The following NSF variants were observed in gnomAD, a reference collection of about 807,000 sequenced individuals.
The protein encoded by NSF is N-ethylmaleimide sensitive factor, vesicle fusing ATPase, also known as vesicle-fusing ATPase.
Under a neutral mutation model 50.3 loss-of-function variants are expected in NSF, and 14 were observed. The ratio of observed to expected loss-of-function variants is 0.28; its 90% confidence interval spans 0.18 to 0.44. The LOEUF (loss-of-function observed/expected upper bound fraction) is 0.44, where lower values mean the gene tolerates loss of function less well. Among genes scored for constraint, NSF ranks in the 20% least tolerant of loss-of-function variants. NSF has a pLI of 1.00. For missense variants in NSF, 218 were observed against 504.3 expected (o/e 0.43, Z 5.44); for synonymous variants, 109 against 175.7 (o/e 0.62, Z 3.00).
intron 9 of NSF, among the ~76,000 whole-genome samples, chr17:46,691,561 C>T (rs1385364340): frequency 6.6e-6 from 1 of 150,504 alleles, no homozygotes; most frequent in East Asian, 2.0e-4. Context: ...CGTCATTGCA[C>T]TCCAGCCTGG....
intron 17 of NSF, among the ~76,000 whole-genome samples, chr17:46,730,639 C>T (rs2058939843): frequency 6.6e-6 from 1 of 152,128 alleles, no homozygotes; most frequent in African/African-American, 2.4e-5. Flanking sequence ...CTTATACGTA[C>T]ATGCTTCACA....
At chr17:46,724,956 A>G (rs2058871967) in intron 15 of NSF, among the ~76,000 whole-genome samples, 1 of 152,058 alleles carries the variant, frequency 6.6e-6, no homozygotes, top group Non-Finnish European at 1.5e-5. Flanking sequence ...TAATATTTCT[A>G]CTTGAATTTA....
chr17:46,636,926 C>T (rs2058194045), intron 4 of NSF, among the ~76,000 whole-genome samples: 1 of 152,108 alleles, frequency 6.6e-6, no homozygotes, highest in Admixed American at 6.5e-5. Flanking sequence ...GTGATCTTGG[C>T]TCACTGCAAG....
Position 46,756,043 on chromosome 17 carries a change from C to T in NSF, c.*220C>T, listed in dbSNP as rs562576410. 1.5e-5 allele frequency: 8 copies of T among 523,218 alleles called. No individual in the cohort carries two copies. Among genetic ancestry groups the T allele is most frequent in the East Asian group, 6.1e-5 (2 of 32,604 alleles). 32.4% of individuals were successfully genotyped at this position (523,218 alleles called of 1,614,324 possible). The stretch of plus-strand genomic sequence containing the variant: ...GGTGTCAATTTGGTTTAGAATGCTG[C>T]GCTTACCTTCCCATGCAGGCTAAAG... On this transcript the variant is annotated 3_prime_UTR_variant, in exon 21 of 21. Transcript: ENST00000398238.
At chr17:46,733,501 A>T (rs1448990987) in intron 17 of NSF, among the ~76,000 whole-genome samples, 3 of 152,190 alleles carry the variant, frequency 2.0e-5, no homozygotes, top group African/African-American at 4.8e-5. Context: ...TTGTGCATCA[A>T]ATTGGAAAAC....
chr17:46,720,946 C>T (rs1382426620), intron 15 of NSF, among the ~76,000 whole-genome samples: 2 of 152,186 alleles, frequency 1.3e-5, no homozygotes, highest in African/African-American at 4.8e-5. Context: ...CTCCCATTTG[C>T]ACTTGTGTAG....
chr17:46,755,909 C>T lies in NSF; in HGVS notation c.*86C>T, dbSNP rs1338878773. ...GATCTTCACTGTCTTACTCAAGATA[C>T]TGGACTAAGTGGAACGTTCTCTACC... On this transcript the variant is annotated 3_prime_UTR_variant, in exon 21 of 21. Coordinates refer to ENST00000398238, the MANE Select transcript of NSF (RefSeq NM_006178.4). 4 of 1,360,876 alleles carry T rather than the reference C, an allele frequency of 2.9e-6. No individual in the cohort carries two copies. Among genetic ancestry groups the T allele is most frequent in the Non-Finnish European group, 4.1e-6 (4 of 967,388 alleles). The allele number at this position is 1,360,876 out of a possible 1,614,324, so 84.3% of individuals were successfully genotyped here.
chr17:46,721,377 T>A (rs1171444118), intron 15 of NSF, among the ~76,000 whole-genome samples: 1 of 152,204 alleles, frequency 6.6e-6, no homozygotes, highest in Non-Finnish European at 1.5e-5. Context: ...CTGATGCCAC[T>A]CTTTCCCACA....
intron 8 of NSF, among the ~76,000 whole-genome samples, chr17:46,671,864 C>T (rs867001605): frequency 7.0e-6 from 1 of 143,102 alleles, no homozygotes; most frequent in African/African-American, 2.5e-5. Flanking sequence ...TTGTTAAATT[C>T]GGAAAGTCTC....
intron 7 of NSF, among the ~76,000 whole-genome samples, chr17:46,642,158 TATC>T (rs1461849554): frequency 9.2e-6 from 1 of 108,526 alleles, no homozygotes; most frequent in Non-Finnish European, 1.8e-5. Flanking sequence ...ACCATAAAAT[TATC>T]ATCTAGTATA....
At chr17:46,728,822 A>G in intron 16 of NSF, 33 bp from the exon 17 acceptor site, 1 of 1,482,018 alleles carries the variant, frequency 6.7e-7, no homozygotes, top group South Asian at 1.2e-5. Flanking sequence ...CATGTGTATC[A>G]AATCCCTAAA....
intron 1 of NSF, among the ~76,000 whole-genome samples, chr17:46,599,921 C>A (rs1331854421): frequency 8.4e-6 from 1 of 119,282 alleles, no homozygotes; most frequent in Non-Finnish European, 1.7e-5. Context: ...ATTGACTCTT[C>A]TTTGTATTGC....
intron 16 of NSF, among the ~76,000 whole-genome samples, chr17:46,727,594 T>C (rs745879388): frequency 1.8e-4 from 28 of 152,192 alleles, no homozygotes; most frequent in Admixed American, 8.5e-4. Context: ...GTGTCTGTTA[T>C]AAAGCAAAGC....
At chr17:46,717,353 A>G (rs2058782852) in intron 15 of NSF, among the ~76,000 whole-genome samples, 1 of 152,182 alleles carries the variant, frequency 6.6e-6, no homozygotes, top group Non-Finnish European at 1.5e-5. Context: ...GGGTAGTGGT[A>G]ACAAAAATAC....
intron 16 of NSF, 67 bp downstream of exon 16, chr17:46,726,682 G>A (rs748672965): frequency 4.1e-5 from 55 of 1,356,904 alleles, no homozygotes; most frequent in Non-Finnish European, 5.6e-5. Flanking sequence ...AAAGTTACAA[G>A]AGAAAATTAA....
intron 17 of NSF, among the ~76,000 whole-genome samples, chr17:46,729,853 T>C (rs1433478899): frequency 6.6e-6 from 1 of 152,194 alleles, no homozygotes; most frequent in African/African-American, 2.4e-5. Flanking sequence ...TTGGTTTTTC[T>C]GGAGTTTTTT....
intron 17 of NSF, among the ~76,000 whole-genome samples, chr17:46,745,314 A>G (rs1169080148): frequency 2.6e-5 from 4 of 152,230 alleles, no homozygotes; most frequent in African/African-American, 9.6e-5. Flanking sequence ...GCACAATTTA[A>G]TAATTTGGTA....
chr17:46,714,882 G>A (rs1041113084), intron 15 of NSF, among the ~76,000 whole-genome samples: 4 of 152,190 alleles, frequency 2.6e-5, no homozygotes, highest in Non-Finnish European at 5.9e-5. Context: ...CTTGAGAATT[G>A]AAGTGCTCCC....
At chr17:46,707,420 G>A (rs1374595313) in intron 13 of NSF, among the ~76,000 whole-genome samples, 1 of 152,036 alleles carries the variant, frequency 6.6e-6, no homozygotes, top group Non-Finnish European at 1.5e-5. Context: ...ATTTTCAAAT[G>A]TATAGTTCAG....
Sources: gnomAD v4.1 joint callset for allele counts (sites outside exome capture counted in the v4.1 genomes callset) on GRCh38, gnomAD v4.1.1 for gene constraint, MANE v1.5 for transcripts, NCBI Gene and HGNC (gene_info 2026-07-23, HGNC 2026-07-21) for gene names.